The following PLXNA3 variants were observed in gnomAD, a reference collection of about 807,000 sequenced individuals.
PLXNA3 encodes plexin-A3.
PLXNA3 carries 52 observed loss-of-function variants against 118.8 expected under a neutral mutation model. That is an observed-to-expected ratio of 0.44 (90% CI 0.35 to 0.55). The LOEUF is 0.55. PLXNA3 is among the 20% of genes least tolerant of loss of function. The pLI is 0.01. For missense variants in PLXNA3, 1,660 were observed against 1,730.8 expected (o/e 0.96, Z 0.73); for synonymous variants, 925 against 762.4 (o/e 1.21, Z -3.51).
rs991603133 is a variant in PLXNA3, at chrX:154,461,038, G to A, written c.595-61G>A. The A allele has an allele frequency of 2.7e-4, 273 of 997,148 alleles. 1 individual carries two copies. Among genetic ancestry groups the A allele is most frequent in the Non-Finnish European group, 3.3e-4 (242 of 724,593 alleles). The allele number at this position is 997,148 out of a possible 1,213,427, so 82.2% of individuals were successfully genotyped here. A position where few individuals can be genotyped will look rare whatever the true frequency, so the allele number is the denominator to read the frequency against. ...GAGGGGGATGCAGAGGGAAGCTGGCGGTGGCCCGTGATGTTGGCACAGGGC... is the reference window on the plus strand; with the variant it reads ...GAGGGGGATGCAGAGGGAAGCTGGCAGTGGCCCGTGATGTTGGCACAGGGC... On this transcript the variant is annotated intron_variant, in intron 2 of 32. Coordinates refer to ENST00000369682, the MANE Select transcript of PLXNA3 (RefSeq NM_017514.5).
chrX:154,461,296 CATGTGCGCG>C lies in PLXNA3; in HGVS notation c.793_801del (p.Met265_Ala267del), dbSNP rs1557204217. On this transcript the variant is annotated inframe_deletion, in exon 3 of 33. Transcript: ENST00000369682. ...AATTTTTCACGTCCAAGATCGTGCGCATGTGCGCGGGAGACTCAGAGTTCTACTCATACG... is the reference window on the plus strand; with the variant it reads ...AATTTTTCACGTCCAAGATCGTGCGCGGAGACTCAGAGTTCTACTCATACG... 1 of 1,212,375 alleles carries C rather than the reference CATGTGCGCG, an allele frequency of 8.2e-7. No homozygotes were observed.
intron 6 of PLXNA3, 76 bp from the exon 7 acceptor site, chrX:154,463,875 C>G (rs113138142): frequency 7.1e-6 from 8 of 1,133,898 alleles, no homozygotes; most frequent in Non-Finnish European, 8.2e-6. Flanking sequence ...CTCGCTGTTG[C>G]CTGGCACTGT....
In PLXNA3 at chrX:154,471,614, C is replaced by T; in HGVS notation, c.5496C>T (p.Phe1832=). ...TGAGTGCGCTCAACGAGCTGTATTTCTATGTCACCAAGTACCGCCAGGAGG... is the reference window on the plus strand; with the variant it reads ...TGAGTGCGCTCAACGAGCTGTATTTTTATGTCACCAAGTACCGCCAGGAGG... ...SVLSALNELY[F]YVTKYRQEIL... Residue 1832 remains phenylalanine (F), a synonymous_variant, in exon 32 of 33, where the codon TTC becomes TTT. Coordinates refer to ENST00000369682, the MANE Select transcript of PLXNA3 (RefSeq NM_017514.5). 1.7e-6 allele frequency: 2 copies of T among 1,209,738 alleles called. No individual in the cohort carries two copies. Among genetic ancestry groups the T allele is most frequent in the Non-Finnish European group, 2.2e-6 (2 of 893,885 alleles).
At position 154,465,697 on chromosome X, in the gene PLXNA3, C is replaced by T. The variant is rs2069070471; in HGVS notation, c.2382C>T (p.Gly794=). 1.7e-6 allele frequency: 2 copies of T among 1,210,490 alleles called. No homozygotes were observed. The highest frequency in any genetic ancestry group is 1.8e-5 in the South Asian group (1 of 57,005). ...GCTGGGCGCAGCGGCCCAGCTGTGG[C>T]CTCTGCCTCAAGGCTGATCCCCGCT... ...YKCWAQRPSC[G]LCLKADPRFN... Residue 794 remains glycine, a synonymous_variant, in exon 13 of 33, where the codon GGC becomes GGT. Coordinates refer to ENST00000369682, the MANE Select transcript of PLXNA3 (RefSeq NM_017514.5).
intron 6 of PLXNA3, 86 bp downstream of exon 6, chrX:154,463,776 TC>T (rs1460649422): frequency 1.3e-5 from 13 of 971,346 alleles, no homozygotes; most frequent in South Asian, 4.3e-5. Context: ...CCTTGCGGCC[TC>T]CCCCCGCCCT....
rs2069113142 is a variant in PLXNA3, at chrX:154,467,712, C to A, written c.3585+24C>A. 5 of 1,203,391 alleles carry A rather than the reference C, an allele frequency of 4.2e-6. No homozygotes were observed. The African/African-American group carries it at 7.0e-5, about 17-fold the overall frequency. The stretch of plus-strand genomic sequence containing the variant: ...TGGTAGGTGGGGATGGGGAGACCCC[C>A]TGGGCAGCCCAGGGTGGGCGTGGTG... On this transcript the variant is annotated intron_variant, in intron 20 of 32. Transcript: ENST00000369682.
chrX:154,463,560 T>TGGGGGGGGGGG, intron 5 of PLXNA3, 30 bp from the exon 6 acceptor site: 5 of 630,210 alleles, frequency 7.9e-6, no homozygotes, highest in Non-Finnish European at 9.0e-6. Flanking sequence ...GGGGCGGGGG[T>TGGGGGGGGGGG]GGGCTGGGTG....
At chrX:154,466,129 C>G (rs1557206968) in intron 14 of PLXNA3, 21 bp from the exon 15 acceptor site, 9 of 1,210,232 alleles carry the variant, frequency 7.4e-6, no homozygotes, top group Non-Finnish European at 1.0e-5. Flanking sequence ...CTGGCCGGCC[C>G]TGACGCTCTC....
In PLXNA3 at chrX:154,466,960, C is replaced by A. The variant is rs2069096847; in HGVS notation, c.3108-97C>A. On this transcript the variant is annotated intron_variant, in intron 17 of 32. Transcript: ENST00000369682. ...CGGCACCCACTAGGCGATCCAGGGT[C>A]AGGGAAGGCCTGGGCTGCCATGGCA... The A allele has an allele frequency of 8.8e-6, 8 of 904,370 alleles. No homozygotes were observed. The South Asian group carries it at 1.7e-4, about 20-fold the overall frequency. The allele number at this position is 904,370 out of a possible 1,213,427, so 74.5% of individuals were successfully genotyped here.
In PLXNA3 at chrX:154,460,989, G is replaced by C. The variant is rs781795710; in HGVS notation, c.595-110G>C. ...CTGCCCTCTGCAGCCTTTCTGGCCT[G>C]GGCCTCTGTGATCATCCAGGCGGGA... On this transcript the variant is annotated intron_variant, in intron 2 of 32. Coordinates refer to ENST00000369682, the MANE Select transcript of PLXNA3 (RefSeq NM_017514.5). 10 of 777,289 alleles carry C rather than the reference G, an allele frequency of 1.3e-5. No individual in the cohort carries two copies. In the South Asian group the frequency reaches 2.3e-4, roughly 18 times the overall value. The allele number at this position is 777,289 out of a possible 1,213,427, so 64.1% of individuals were successfully genotyped here.
intron 2 of PLXNA3, 80 bp from the exon 3 acceptor site, chrX:154,461,019 G>A (rs2068944386): frequency 1.1e-5 from 10 of 894,658 alleles, no homozygotes; most frequent in Middle Eastern, 6.5e-4. Context: ...GCGGGAGGGG[G>A]ATGCAGAGGG....
In PLXNA3 at chrX:154,463,696, G is replaced by C. The variant is rs782764730; in HGVS notation, c.1547+6G>C. 10 of 1,185,269 alleles carry C rather than the reference G, an allele frequency of 8.4e-6. No individual in the cohort carries two copies. Among genetic ancestry groups the C allele is most frequent in the Non-Finnish European group, 1.1e-5 (10 of 880,664 alleles). On this transcript the variant is annotated splice_donor_region_variant and intron_variant, in intron 6 of 32. Coordinates refer to ENST00000369682, the MANE Select transcript of PLXNA3 (RefSeq NM_017514.5). Reference sequence around the variant, plus strand: ...TGGTGTGTGCTGCGACACAGGTGAGGGCGGGGACCCCTGCTCGGGGAGTTG... The same window carrying C: ...TGGTGTGTGCTGCGACACAGGTGAGCGCGGGGACCCCTGCTCGGGGAGTTG...
Position 154,460,719 on chromosome X carries a change from C to G in PLXNA3, c.536C>G (p.Pro179Arg). The change falls in exon 2 of 33, where the codon CCC (proline) becomes CGC (arginine). Residue 179 changes from proline (P) to arginine (R), a missense_variant. By Grantham distance (103) the Pro-to-Arg change is moderately radical (BLOSUM62 -2). Around this residue, in one of 2 missense-constraint regions of PLXNA3, gnomAD observed 791 missense variants for 652.1 expected, o/e 1.21. Transcript: ENST00000369682. ...TAVDGKSEYF[P>R]TLSSRKLISD... ...GTCGACGGCAAGTCGGAGTACTTCC[C>G]CACCTTGAGCTCCCGCAAGCTCATC... 1 of 1,138,472 alleles carries G rather than the reference C, an allele frequency of 8.8e-7. No homozygotes were observed. 93.8% of individuals were successfully genotyped at this position (1,138,472 alleles called of 1,213,427 possible). A position where few individuals can be genotyped will look rare whatever the true frequency, so the allele number is the denominator to read the frequency against.
At position 154,458,595 on chromosome X, in the gene PLXNA3, A is replaced by C. The variant is rs782675829; in HGVS notation, c.-28+167A>C. ...CCCCGCATGGTGGGGACGCCAACCC[A>C]AGACCAACACCCTGCCCAAAGAGGA... On this transcript the variant is annotated intron_variant, in intron 1 of 32. Transcript: ENST00000369682. 2.7e-5 allele frequency among the ~76,000 whole-genome samples: 3 copies of C among 112,231 alleles called. No individual in the cohort carries two copies. The South Asian group carries it at 1.1e-3, about 41-fold the overall frequency.
chrX:154,463,844 C>A, intron 6 of PLXNA3, 107 bp from the exon 7 acceptor site: 1 of 1,048,786 alleles, frequency 9.5e-7, no homozygotes, highest in Non-Finnish European at 1.3e-6. Context: ...GTCCCTCGGG[C>A]CCCAGGGGAC....
At position 154,460,229 on chromosome X, in the gene PLXNA3, G is replaced by C; in HGVS notation, c.46G>C (p.Gly16Arg). Reference protein sequence around the residue: ...LLLLLFLAVGGALGNRPFRAF... With the variant: ...LLLLLFLAVGRALGNRPFRAF... ...CCTGCTGCTCTTCCTTGCCGTGGGG[G>C]GGGCCCTGGGCAACAGGCCCTTCCG... The change falls in exon 2 of 33, where the codon GGG becomes CGG. Residue 16 changes from glycine to arginine, a missense_variant. Physicochemically the swap from Gly to Arg is moderately radical, Grantham distance 125 (BLOSUM62 -2). Coordinates refer to ENST00000369682, the MANE Select transcript of PLXNA3 (RefSeq NM_017514.5). 8.3e-7 allele frequency: 1 copy of C among 1,209,568 alleles called. No individual in the cohort carries two copies. The highest frequency in any genetic ancestry group is 1.7e-5 in the African/African-American group (1 of 57,874).
intron 29 of PLXNA3, 111 bp from the exon 30 acceptor site, chrX:154,470,331 C>T (rs1259647950): frequency 2.1e-6 from 2 of 939,551 alleles, no homozygotes; most frequent in Non-Finnish European, 3.0e-6. Flanking sequence ...AGACCACTGG[C>T]CCTGTAGGGA....
rs111562367 is a variant in PLXNA3 at position 154,462,105 on chromosome X, G to A, written c.1135-23G>A. 12,877 of 1,153,989 alleles carry A rather than the reference G, an allele frequency of 0.011. 76 individuals carry two copies. Among genetic ancestry groups the A allele is most frequent in the Non-Finnish European group, 0.013 (11,024 of 863,686 alleles). ...TGCGCCTGGGAGCTTTGACTCTCAC[G>A]GGTTCCTCCTCTGTTTCACCAGCCC... On this transcript the variant is annotated intron_variant, in intron 3 of 32. Transcript: ENST00000369682.
intron 3 of PLXNA3, 99 bp downstream of exon 3, chrX:154,461,737 A>T (rs1557204666): frequency 1.1e-6 from 1 of 889,169 alleles, no homozygotes; most frequent in African/African-American, 2.0e-5. Flanking sequence ...AGGCTTTGCC[A>T]TGGCCCTGGG....
Sources: gnomAD v4.1 joint callset for allele counts (sites outside exome capture counted in the v4.1 genomes callset) on GRCh38, gnomAD v4.1.1 for gene constraint, gnomAD v4.1.1 regional missense constraint, MANE v1.5 for transcripts, NCBI Gene and HGNC (gene_info 2026-07-23, HGNC 2026-07-21) for gene names.